The following ITGA9 variants were observed in gnomAD, a reference collection of about 807,000 sequenced individuals.
ITGA9 encodes the protein integrin alpha-9.
A neutral mutation model predicts 127.8 loss-of-function variants in ITGA9; 56 were observed. That is an observed-to-expected ratio of 0.44 (90% confidence interval 0.35 to 0.55). The LOEUF is 0.55. Among genes scored for constraint, ITGA9 ranks in the 20% least tolerant of loss-of-function variants. The pLI is 0.00. For missense variants in ITGA9, 1,196 were observed against 1,347.1 expected, an observed-to-expected ratio of 0.89 and a Z score of 1.76; for synonymous variants, 508 against 514.5, an observed-to-expected ratio of 0.99 and a Z score of 0.17.
chr3:37,452,211 G>A lies in ITGA9; in HGVS notation c.-164G>A, dbSNP rs1384519906. The A allele has an allele frequency of 1.6e-5, 3 of 192,984 alleles. No individual in the cohort carries two copies. Among genetic ancestry groups the A allele is most frequent in the Admixed American group, 6.6e-5 (1 of 15,172 alleles). The allele number at this position is 192,984 out of a possible 1,614,324, so 12.0% of individuals were successfully genotyped here. On this transcript the variant is annotated 5_prime_UTR_variant, in exon 1 of 28. Transcript: ENST00000264741. This position sits in a 1 kb window ranked among gnomAD's most constrained non-coding sequence, Gnocchi z 7.3. ...TGTGCTCGCCTTCAGCGCCCGCTCA[G>A]CCCGCCGTCCGCGCCCCGGTGGCGG...
intron 13 of ITGA9, among the ~76,000 whole-genome samples, chr3:37,532,038 G>C (rs775607902): frequency 2.6e-5 from 4 of 152,132 alleles, no homozygotes; most frequent in African/African-American, 4.8e-5. Context: ...CACTGGCCAG[G>C]GGTAAGAGAT....
At chr3:37,611,630 C>A (rs1422523559) in intron 15 of ITGA9, among the ~76,000 whole-genome samples, 4 of 152,118 alleles carry the variant, frequency 2.6e-5, no homozygotes, top group African/African-American at 9.7e-5. Flanking sequence ...AGTTAGCCCC[C>A]AAGCTGAGAA....
At chr3:37,776,816 G>A (rs903468150) in intron 23 of ITGA9, among the ~76,000 whole-genome samples, 2 of 152,192 alleles carry the variant, frequency 1.3e-5, no homozygotes, top group Non-Finnish European at 2.9e-5. Flanking sequence ...TTTTTTGGTA[G>A]CAAAACTCTG....
intron 1 of ITGA9, among the ~76,000 whole-genome samples, chr3:37,470,672 G>A (rs901334961): frequency 2.6e-5 from 4 of 152,126 alleles, no homozygotes; most frequent in Admixed American, 1.3e-4. Flanking sequence ...TGCCTTGCCT[G>A]GCCATTTTTT....
intron 23 of ITGA9, among the ~76,000 whole-genome samples, chr3:37,762,732 A>G (rs1385074853): frequency 1.3e-5 from 2 of 152,180 alleles, no homozygotes; most frequent in African/African-American, 4.8e-5. Context: ...TTTTGGGATA[A>G]AACATTTTGA....
At chr3:37,713,033 A>G (rs1338118691) in intron 18 of ITGA9, among the ~76,000 whole-genome samples, 1 of 152,222 alleles carries the variant, frequency 6.6e-6, no homozygotes, top group East Asian at 1.9e-4. Flanking sequence ...ATGAAGGACG[A>G]GGGTCTCACC....
chr3:37,750,060 A>T (rs1696562834), intron 22 of ITGA9, among the ~76,000 whole-genome samples: 2 of 141,190 alleles, frequency 1.4e-5, no homozygotes, highest in Admixed American at 1.4e-4. Flanking sequence ...CCCCACCAAA[A>T]TGTGTTTTAA....
At chr3:37,785,839 C>T (rs1453640591) in intron 26 of ITGA9, among the ~76,000 whole-genome samples, 4 of 152,212 alleles carry the variant, frequency 2.6e-5, no homozygotes, top group Middle Eastern at 6.8e-3. Flanking sequence ...AGTAACTGCT[C>T]TTTAACTATT....
intron 22 of ITGA9, 149 bp downstream of exon 22, chr3:37,744,183 A>C: frequency 1.4e-6 from 1 of 707,758 alleles, no homozygotes; most frequent in Non-Finnish European, 2.6e-6. Context: ...AACCACACAC[A>C]GAATGAATCC....
At chr3:37,632,754 A>G (rs926207239) in intron 16 of ITGA9, among the ~76,000 whole-genome samples, 15 of 152,208 alleles carry the variant, frequency 9.9e-5, no homozygotes, top group African/African-American at 3.4e-4. Context: ...TTACAACAGA[A>G]TGAGAGTCAG....
At chr3:37,567,602 G>C (rs986758163) in intron 15 of ITGA9, among the ~76,000 whole-genome samples, 2 of 152,126 alleles carry the variant, frequency 1.3e-5, no homozygotes, top group African/African-American at 4.8e-5. Context: ...AAGCAAGTTA[G>C]TTACTTCCTA....
At chr3:37,556,311 G>A (rs1173930591) in intron 15 of ITGA9, among the ~76,000 whole-genome samples, 1 of 152,156 alleles carries the variant, frequency 6.6e-6, no homozygotes, top group Admixed American at 6.5e-5. Context: ...GCTCTACCCT[G>A]CAAATCTTTT....
chr3:37,745,764 A>G (rs1470204603), intron 22 of ITGA9: 1 of 148,836 alleles, frequency 6.7e-6, no homozygotes, highest in Admixed American at 6.6e-5. Context: ...TGTTTCTCTG[A>G]AGGTAATTTT....
intron 12 of ITGA9, 23 bp downstream of exon 12, chr3:37,523,634 C>T (rs771712374): frequency 2.7e-6 from 4 of 1,500,968 alleles, no homozygotes; most frequent in South Asian, 1.1e-5. Flanking sequence ...TCTTTAAAGG[C>T]ACATGAGATA....
chr3:37,548,592 T>G (rs1158969595), intron 15 of ITGA9, among the ~76,000 whole-genome samples: 2 of 152,202 alleles, frequency 1.3e-5, no homozygotes, highest in Non-Finnish European at 2.9e-5. Context: ...CCAGGTGGTC[T>G]TCTATATGTC....
At chr3:37,726,787 C>T (rs1008922135) in intron 18 of ITGA9, among the ~76,000 whole-genome samples, 8 of 152,202 alleles carry the variant, frequency 5.3e-5, no homozygotes, top group African/African-American at 9.7e-5. Flanking sequence ...GTGCCAGGCT[C>T]GGTGCCAGAC....
At chr3:37,480,692 A>G (rs1698543678) in intron 3 of ITGA9, among the ~76,000 whole-genome samples, 1 of 152,220 alleles carries the variant, frequency 6.6e-6, no homozygotes, top group Non-Finnish European at 1.5e-5. Context: ...TTCTGTGGGT[A>G]GAAACATGGT....
intron 18 of ITGA9, among the ~76,000 whole-genome samples, chr3:37,714,980 G>A (rs929303799): frequency 3.3e-5 from 5 of 152,148 alleles, no homozygotes; most frequent in African/African-American, 9.7e-5. Flanking sequence ...CTGGGTCTCT[G>A]TGTCCTCATC....
At chr3:37,628,004 GC>G (rs1332158195) in intron 15 of ITGA9, among the ~76,000 whole-genome samples, 1 of 152,142 alleles carries the variant, frequency 6.6e-6, no homozygotes, top group Non-Finnish European at 1.5e-5. Context: ...GCCTCCTGGG[GC>G]CTTTAGAACC....
Sources: allele counts gnomAD v4.1 joint callset (sites outside exome capture counted in the v4.1 genomes callset), GRCh38; gene constraint gnomAD v4.1.1; non-coding constraint Gnocchi (gnomAD v3.1); transcripts MANE v1.5; gene names NCBI Gene and HGNC (gene_info 2026-07-23, HGNC 2026-07-21).